Variants in KLHL1 observed in about 807,000 individuals in gnomAD.
The protein encoded by KLHL1 is kelch like family member 1, also known as kelch-like protein 1.
KLHL1 carries 47 observed loss-of-function variants against 77.7 expected under a neutral mutation model. The ratio of observed to expected loss-of-function variants is 0.60; its 90% CI spans 0.48 to 0.77. The LOEUF (loss-of-function observed/expected upper bound fraction) is 0.77. KLHL1 is among the 30% of genes least tolerant of loss of function. KLHL1 has a pLI of 0.00. For synonymous variants in KLHL1, 360 were observed against 325.2 expected (o/e 1.11, Z -1.15); for missense variants, 925 against 910.8 (o/e 1.02, Z -0.20).
intron 7 of KLHL1, among the ~76,000 whole-genome samples, chr13:69,790,525 A>AGAT (rs1235457771): frequency 3.3e-5 from 5 of 152,214 alleles, no homozygotes; most frequent in African/African-American, 1.2e-4. Flanking sequence ...TTGTGACTAT[A>AGAT]GATGTGAAAT....
rs969464616 is a variant in KLHL1, at chr13:69,705,965, T to C, written c.2187+1660A>G. Reference sequence around the variant, plus strand: ...ATAAACATAAACTTCCTTTATTTAATGTTCTTTTAAGTGGAACATTTAAAA... The same window carrying C: ...ATAAACATAAACTTCCTTTATTTAACGTTCTTTTAAGTGGAACATTTAAAA... On this transcript the variant is annotated intron_variant, in intron 10 of 10. Coordinates refer to ENST00000377844, the MANE Select transcript of KLHL1 (RefSeq NM_020866.3). Among the ~76,000 whole-genome samples, 6 of 151,902 alleles carry C rather than the reference T, an allele frequency of 3.9e-5. No homozygotes were observed. In the East Asian group the frequency reaches 9.7e-4, roughly 24 times the overall value.
intron 4 of KLHL1, among the ~76,000 whole-genome samples, chr13:69,935,206 G>GTACTGGTGAACTTGGTACATAGTTCACC (rs1883141624): frequency 5.7e-5 from 2 of 34,902 alleles, no homozygotes; most frequent in African/African-American, 2.5e-4. Context: ...TACATAGTTG[G>GTACTGGTGAACTTGGTACATAGTTCACC]TACTGGTGAA....
In KLHL1 at chr13:69,804,601, T is replaced by A. The variant is rs1197762565; in HGVS notation, c.1415-7639A>T. Reference sequence around the variant, plus strand: ...TAATAACTGGACTTCCAAGCCATTTTACAAACTCACAAAGTAGAATGATTT... The same window carrying A: ...TAATAACTGGACTTCCAAGCCATTTAACAAACTCACAAAGTAGAATGATTT... On this transcript the variant is annotated intron_variant, in intron 6 of 10. Coordinates refer to ENST00000377844, the MANE Select transcript of KLHL1 (RefSeq NM_020866.3). Among the ~76,000 whole-genome samples, 3 of 152,214 alleles carry A rather than the reference T, an allele frequency of 2.0e-5. No individual in the cohort carries two copies. In the East Asian group the frequency reaches 5.8e-4, roughly 29 times the overall value.
chr13:69,736,677 G>GATATAT (rs1491106895), intron 8 of KLHL1, among the ~76,000 whole-genome samples: 1 of 128,360 alleles, frequency 7.8e-6, no homozygotes, highest in Non-Finnish European at 1.7e-5. Context: ...AAGAGATTGT[G>GATATAT]AGATATATAT....
Position 70,085,223 on chromosome 13 carries a change from CAG to C in KLHL1, c.497+21978_497+21979del, listed in dbSNP as rs1425064100. 3.3e-5 allele frequency among the ~76,000 whole-genome samples: 5 copies of C among 151,812 alleles called. No homozygotes were observed. In the East Asian group the frequency reaches 9.7e-4, roughly 30 times the overall value. ...AAACAAAGAGAGAAACAGAAAGAGACAGAGAGAGAGAGAACGGGAAGTGAGGA... is the reference window on the plus strand; with the variant it reads ...AAACAAAGAGAGAAACAGAAAGAGACAGAGAGAGAGAACGGGAAGTGAGGA... On this transcript the variant is annotated intron_variant, in intron 1 of 10. Transcript: ENST00000377844.
chr13:69,918,240 T>A (rs1280097705), intron 4 of KLHL1, among the ~76,000 whole-genome samples: 2 of 151,946 alleles, frequency 1.3e-5, no homozygotes, highest in Non-Finnish European at 2.9e-5. Context: ...TTGTAAATTT[T>A]ATTTTAAAAT....
At chr13:69,730,578 CT>C (rs915943269) in intron 8 of KLHL1, among the ~76,000 whole-genome samples, 4 of 149,904 alleles carry the variant, frequency 2.7e-5, no homozygotes, top group Non-Finnish European at 4.4e-5. Context: ...ACATCCATTC[CT>C]TTTTTTTTCC....
chr13:69,991,307 AG>A, intron 1 of KLHL1, among the ~76,000 whole-genome samples: 1 of 152,068 alleles, frequency 6.6e-6, no homozygotes, highest in South Asian at 2.1e-4. Context: ...CCCAAATCAG[AG>A]CTGAACTGAA....
chr13:70,102,404 T>A (rs1887942793), intron 1 of KLHL1, among the ~76,000 whole-genome samples: 1 of 152,360 alleles, frequency 6.6e-6, no homozygotes, highest in South Asian at 2.1e-4. Flanking sequence ...AGGTGTTTTC[T>A]AACTTGGGCT....
At chr13:69,776,816 T>A (rs961258057) in intron 7 of KLHL1, among the ~76,000 whole-genome samples, 11 of 152,328 alleles carry the variant, frequency 7.2e-5, no homozygotes, top group African/African-American at 2.4e-4. Flanking sequence ...AAATTAATAT[T>A]TTTTTCTCTT....
chr13:70,029,265 T>C (rs1886031638), intron 1 of KLHL1, among the ~76,000 whole-genome samples: 1 of 152,214 alleles, frequency 6.6e-6, no homozygotes, highest in South Asian at 2.1e-4. Flanking sequence ...GCTGAATATA[T>C]GGGCAGATGA....
chr13:69,843,959 T>C (rs1017208843), intron 5 of KLHL1, among the ~76,000 whole-genome samples: 1 of 151,746 alleles, frequency 6.6e-6, no homozygotes, highest in Non-Finnish European at 1.5e-5. Context: ...ACTAATGTTA[T>C]TGATTAATTA....
At chr13:69,779,535 CTTAT>C (rs1208984353) in intron 7 of KLHL1, among the ~76,000 whole-genome samples, 1 of 146,812 alleles carries the variant, frequency 6.8e-6, no homozygotes, top group Non-Finnish European at 1.5e-5. Flanking sequence ...CTCTTTTTTT[CTTAT>C]TTCTCTTTTT....
At chr13:69,835,427 T>C (rs1408309310) in intron 6 of KLHL1, among the ~76,000 whole-genome samples, 1 of 152,140 alleles carries the variant, frequency 6.6e-6, no homozygotes, top group Admixed American at 6.6e-5. Flanking sequence ...AGCCAGCATC[T>C]CTTGTGGACA....
At position 69,831,219 on chromosome 13, in the gene KLHL1, AAG is replaced by A. The variant is rs1355838255; in HGVS notation, c.1414+7755_1414+7756del. The stretch of plus-strand genomic sequence containing the variant: ...CATTAGTGAGATTAACCAAGAAAAG[AAG>A]AGAGAAGATCAAAATAGGCTCAATT... On this transcript the variant is annotated intron_variant, in intron 6 of 10. Transcript: ENST00000377844. 1.1e-3 allele frequency among the ~76,000 whole-genome samples: 158 copies of A among 150,216 alleles called. 1 individual carries two copies. The highest frequency in any genetic ancestry group is 1.0e-3 in the South Asian group (5 of 4,806).
chr13:70,079,408 AC>A (rs1036457257), intron 1 of KLHL1, among the ~76,000 whole-genome samples: 4 of 152,160 alleles, frequency 2.6e-5, no homozygotes, highest in African/African-American at 9.7e-5. Flanking sequence ...GTAAGTACCT[AC>A]TTAAGTACCA....
intron 1 of KLHL1, among the ~76,000 whole-genome samples, chr13:70,029,512 C>A (rs935529582): frequency 2.0e-5 from 3 of 152,164 alleles, no homozygotes; most frequent in Non-Finnish European, 4.4e-5. Context: ...TAAGCTTCAT[C>A]AGTGAAGGAG....
At chr13:69,850,837 G>T (rs760446315) in intron 5 of KLHL1, among the ~76,000 whole-genome samples, 43 of 151,702 alleles carry the variant, frequency 2.8e-4, no homozygotes, top group African/African-American at 8.4e-4. Flanking sequence ...CTTCTACATT[G>T]TCAAGGCTGT....
chr13:69,855,550 T>C (rs1426147872), intron 5 of KLHL1, among the ~76,000 whole-genome samples: 2 of 151,724 alleles, frequency 1.3e-5, no homozygotes, highest in African/African-American at 2.4e-5. Flanking sequence ...AATAATGTAA[T>C]CTTGGGGGCG....
Sources: gnomAD v4.1 joint callset for allele counts (sites outside exome capture counted in the v4.1 genomes callset) on GRCh38, gnomAD v4.1.1 for gene constraint, MANE v1.5 for transcripts, NCBI Gene and HGNC (gene_info 2026-07-23, HGNC 2026-07-21) for gene names.